SWT1: variants seen among roughly 807,000 people sequenced by gnomAD.
The protein encoded by SWT1 is transcriptional protein SWT1.
Under a neutral mutation model 107.3 loss-of-function variants are expected in SWT1, and 33 were observed. The ratio of observed to expected loss-of-function variants is 0.31; its 90% CI spans 0.23 to 0.41. SWT1 has a LOEUF of 0.41. Ranked by LOEUF, SWT1 falls within the 10% of genes least tolerant of loss-of-function variation. The pLI, the probability that SWT1 is intolerant of heterozygous loss-of-function variation, is 1.00. For synonymous variants in SWT1, 345 were observed against 348.3 expected, an observed-to-expected ratio of 0.99 and a Z score of 0.11; for missense variants, 898 against 1,028.9, an observed-to-expected ratio of 0.87 and a Z score of 1.74.
intron 15 of SWT1, among the ~76,000 whole-genome samples, chr1:185,223,502 A>G (rs1397481944): frequency 1.3e-5 from 2 of 152,064 alleles, no homozygotes; most frequent in Non-Finnish European, 2.9e-5. Context: ...TCTTTCTGAT[A>G]ATAGCCACTC....
Position 185,290,855 on chromosome 1 carries a change from G to C in SWT1, c.*52G>C. The C allele has an allele frequency of 6.5e-7, 1 of 1,527,354 alleles. No homozygotes were observed. The highest frequency in any genetic ancestry group is 8.9e-7 in the Non-Finnish European group (1 of 1,122,434). The allele number at this position is 1,527,354 out of a possible 1,614,324, so 94.6% of individuals were successfully genotyped here. A position where few individuals can be genotyped will look rare whatever the true frequency, so the allele number is the denominator to read the frequency against. ...TGCATTTGTCCTTAAGAATAACAGA[G>C]TAGTTTTCAATCTGGTCACTCTTTT... On this transcript the variant is annotated 3_prime_UTR_variant, in exon 19 of 19. Coordinates refer to ENST00000367500, the MANE Select transcript of SWT1 (RefSeq NM_017673.7).
chr1:185,200,956 G>T (rs1002187748), intron 10 of SWT1, among the ~76,000 whole-genome samples: 1 of 152,174 alleles, frequency 6.6e-6, no homozygotes, highest in Non-Finnish European at 1.5e-5. Context: ...GCCCAGAGAG[G>T]AGGAATCTAG....
chr1:185,258,370 G>T (rs1256938189), intron 16 of SWT1, among the ~76,000 whole-genome samples: 1 of 151,966 alleles, frequency 6.6e-6, no homozygotes, highest in Non-Finnish European at 1.5e-5. Flanking sequence ...ATATAACACA[G>T]TTTTTGTTGT....
intron 10 of SWT1, among the ~76,000 whole-genome samples, chr1:185,195,747 A>T (rs1025398810): frequency 3.3e-5 from 5 of 152,254 alleles, no homozygotes; most frequent in African/African-American, 4.8e-5. Flanking sequence ...TCTAATGACC[A>T]GTAATGATGA....
chr1:185,240,099 T>G lies in SWT1; in HGVS notation c.2441+8391T>G, dbSNP rs76263253. On this transcript the variant is annotated intron_variant, in intron 16 of 18. Transcript: ENST00000367500. ...ACAAGTGTTGTAGATATGTTTCTGTTTCTGTGAAATAGATGATGAGCTAGC... is the reference window on the plus strand; with the variant it reads ...ACAAGTGTTGTAGATATGTTTCTGTGTCTGTGAAATAGATGATGAGCTAGC... 5.6e-3 allele frequency among the ~76,000 whole-genome samples: 851 copies of G among 152,170 alleles called. 35 individuals are homozygous for G. The East Asian group carries it at 0.094, about 17-fold the overall frequency.
chr1:185,170,749 G>A (rs1293838751), intron 4 of SWT1, among the ~76,000 whole-genome samples: 1 of 152,190 alleles, frequency 6.6e-6, no homozygotes, highest in Admixed American at 6.5e-5. Context: ...TATGGTGGGT[G>A]ATGGACTATG....
intron 14 of SWT1, among the ~76,000 whole-genome samples, chr1:185,221,050 G>GAC (rs59643566): frequency 0.019 from 2,799 of 149,824 alleles, 41 homozygotes; most frequent in East Asian, 0.093. Context: ...CGTGCACACA[G>GAC]ACACACACAC....
Position 185,162,444 on chromosome 1 carries a change from C to G in SWT1, c.84+1519C>G, listed in dbSNP as rs554393763. On this transcript the variant is annotated intron_variant, in intron 2 of 18. Coordinates refer to ENST00000367500, the MANE Select transcript of SWT1 (RefSeq NM_017673.7). ...CTAGCTTTAGAGATACCATATTCTCCTGATTTTCCTCCTTATTGGTGACTG... is the reference window on the plus strand; with the variant it reads ...CTAGCTTTAGAGATACCATATTCTCGTGATTTTCCTCCTTATTGGTGACTG... Among the ~76,000 whole-genome samples the G allele has an allele frequency of 5.3e-5, 8 of 152,268 alleles. No homozygotes were observed. The East Asian group carries it at 1.5e-3, about 29-fold the overall frequency.
intron 17 of SWT1, among the ~76,000 whole-genome samples, chr1:185,273,572 G>A (rs1225207175): frequency 1.3e-5 from 2 of 148,422 alleles, no homozygotes; most frequent in African/African-American, 2.5e-5. Context: ...GTATGGTGGC[G>A]GATGTCTGTA....
chr1:185,289,267 C>T (rs1266687308), intron 18 of SWT1, among the ~76,000 whole-genome samples: 1 of 152,220 alleles, frequency 6.6e-6, no homozygotes, highest in Non-Finnish European at 1.5e-5. Flanking sequence ...CAAATTCTTA[C>T]ATAGCCAACA....
At chr1:185,254,955 G>A (rs894728413) in intron 16 of SWT1, among the ~76,000 whole-genome samples, 51 of 152,100 alleles carry the variant, frequency 3.4e-4, no homozygotes, top group Non-Finnish European at 1.0e-4. Context: ...CGTTGAATGC[G>A]TCCCAGAGAT....
In SWT1 at chr1:185,271,359, G is replaced by A. The variant is rs1212181287; in HGVS notation, c.2478G>A (p.Glu826=). ...CAAACAGTAATTATCAAGATGTTGAGACCCTCTATAACTTCCTAATCAAGT... is the reference window on the plus strand; with the variant it reads ...CAAACAGTAATTATCAAGATGTTGAAACCCTCTATAACTTCCTAATCAAGT... ...LAPNSNYQDV[E]TLYNFLIKYE... Residue 826 remains glutamate, a synonymous_variant, in exon 17 of 19, where the codon GAG becomes GAA. Transcript: ENST00000367500. The A allele has an allele frequency of 6.6e-7, 1 of 1,520,608 alleles. No homozygotes were observed. Among genetic ancestry groups the A allele is most frequent in the Non-Finnish European group, 9.1e-7 (1 of 1,096,598 alleles). 94.2% of individuals were successfully genotyped at this position (1,520,608 alleles called of 1,614,324 possible). A position where few individuals can be genotyped will look rare whatever the true frequency, so the allele number is the denominator to read the frequency against.
chr1:185,218,105 A>G (rs1659361099), intron 14 of SWT1, among the ~76,000 whole-genome samples: 1 of 152,152 alleles, frequency 6.6e-6, no homozygotes, highest in South Asian at 2.1e-4. Context: ...AATGTATTAG[A>G]TTTGATATAT....
At chr1:185,160,143 A>G (rs974805444) in intron 1 of SWT1, among the ~76,000 whole-genome samples, 24 of 152,252 alleles carry the variant, frequency 1.6e-4, no homozygotes, top group Non-Finnish European at 2.8e-4. Context: ...GTCTTGTTCA[A>G]TGAATGACTG....
chr1:185,207,907 AC>A (rs1472276748), intron 13 of SWT1, among the ~76,000 whole-genome samples: 1 of 152,194 alleles, frequency 6.6e-6, no homozygotes, highest in African/African-American at 2.4e-5. Context: ...TCTCAAAAAA[AC>A]ATATATATAA....
At chr1:185,216,951 C>CA (rs1292913416) in intron 14 of SWT1, among the ~76,000 whole-genome samples, 1,543 of 96,538 alleles carry the variant, frequency 0.016, 31 homozygotes, top group East Asian at 0.11. Context: ...GACTCCATTT[C>CA]AAAAAAAAAA....
Position 185,276,590 on chromosome 1 carries a change from T to C in SWT1, c.2509-14T>C, listed in dbSNP as rs912201510. On this transcript the variant is annotated splice_polypyrimidine_tract_variant and intron_variant, in intron 17 of 18. Transcript: ENST00000367500. The stretch of plus-strand genomic sequence containing the variant: ...AATATATATTTTTAATAACTATATC[T>C]TGGTTCCTTTCAGGTAAATAAAAAT... The C allele has an allele frequency of 1.3e-5, 19 of 1,498,042 alleles. No individual in the cohort carries two copies. The highest frequency in any genetic ancestry group is 1.8e-5 in the Non-Finnish European group (19 of 1,082,848). The allele number at this position is 1,498,042 out of a possible 1,614,324, so 92.8% of individuals were successfully genotyped here.
chr1:185,184,649 T>C, intron 8 of SWT1, 94 bp from the exon 9 acceptor site: 1 of 815,220 alleles, frequency 1.2e-6, no homozygotes, highest in Non-Finnish European at 1.9e-6. Context: ...AGGTAGGGAC[T>C]GTGTGCTTTA....
At position 185,271,336 on chromosome 1, in the gene SWT1, A is replaced by G. The variant is rs1663844953; in HGVS notation, c.2455A>G (p.Asn819Asp). Residue 819 changes from asparagine (N) to aspartate (D), a missense_variant, in exon 17 of 19, where the codon AAC becomes GAC. Asn to Asp is a conservative substitution (Grantham distance 23). Transcript: ENST00000367500. ...TTTATTTTTTAGGATTTTGGCCCCAAACAGTAATTATCAAGATGTTGAGAC... is the reference window on the plus strand; with the variant it reads ...TTTATTTTTTAGGATTTTGGCCCCAGACAGTAATTATCAAGATGTTGAGAC... Reference protein sequence around the residue: ...LEGIQRILAPNSNYQDVETLY... With the variant: ...LEGIQRILAPDSNYQDVETLY... The G allele has an allele frequency of 2.6e-6, 4 of 1,521,852 alleles. No individual in the cohort carries two copies. The Admixed American group carries it at 6.7e-5, about 26-fold the overall frequency. The allele number at this position is 1,521,852 out of a possible 1,614,324, so 94.3% of individuals were successfully genotyped here. A position where few individuals can be genotyped will look rare whatever the true frequency, so the allele number is the denominator to read the frequency against.
Sources: gnomAD v4.1 joint callset for allele counts (sites outside exome capture counted in the v4.1 genomes callset) on GRCh38, gnomAD v4.1.1 for gene constraint, MANE v1.5 for transcripts, NCBI Gene and HGNC (gene_info 2026-07-23, HGNC 2026-07-21) for gene names.